ITCH: variants seen among roughly 807,000 people sequenced by gnomAD.
ITCH encodes itchy E3 ubiquitin protein ligase.
Under a neutral mutation model 126.8 loss-of-function variants are expected in ITCH, and 28 were observed. The ratio of observed to expected loss-of-function variants is 0.22; its 90% confidence interval spans 0.16 to 0.30. ITCH has a LOEUF of 0.30. ITCH is among the 10% of genes least tolerant of loss of function. The pLI is 1.00. For synonymous variants in ITCH, 342 were observed against 340.0 expected (o/e 1.01, Z -0.06); for missense variants, 631 against 1,032.4 (o/e 0.61, Z 5.33).
rs904167294 is a variant in ITCH at position 34,366,025 on chromosome 20, A to G, written c.-99+2676A>G. On this transcript the variant is annotated intron_variant, in intron 1 of 24. Coordinates refer to ENST00000374864, the MANE Select transcript of ITCH (RefSeq NM_031483.7). ...GGTGGAGGATTGGTTAGAAGAGGCA[A>G]GATTTGCCCCTGAACCCACATTGGG... Among the ~76,000 whole-genome samples the G allele has an allele frequency of 5.3e-5, 8 of 152,142 alleles. No individual in the cohort carries two copies. The South Asian group carries it at 1.5e-3, about 28-fold the overall frequency.
At chr20:34,467,796 C>T (rs1202243993) in intron 14 of ITCH, among the ~76,000 whole-genome samples, 1 of 149,752 alleles carries the variant, frequency 6.7e-6, no homozygotes, top group African/African-American at 2.5e-5. Flanking sequence ...AGCAATTCTC[C>T]TGCCTCAGCC....
At chr20:34,379,643 G>A (rs1033276853) in intron 2 of ITCH, among the ~76,000 whole-genome samples, 1 of 148,928 alleles carries the variant, frequency 6.7e-6, no homozygotes, top group African/African-American at 2.5e-5. Context: ...CACCCAGGCT[G>A]GAGTGCAGTA....
At chr20:34,430,627 T>A (rs1982159450) in intron 7 of ITCH, among the ~76,000 whole-genome samples, 3 of 152,042 alleles carry the variant, frequency 2.0e-5, no homozygotes, top group Admixed American at 2.0e-4. Context: ...CGTGCACCAC[T>A]AGACTTGGCT....
At chr20:34,478,009 ATTTC>A in intron 17 of ITCH, 149 bp downstream of exon 17, 1 of 1,024,036 alleles carries the variant, frequency 9.8e-7, no homozygotes, top group Admixed American at 2.7e-5. Context: ...TAGCTACAGA[ATTTC>A]AAAAAACATT....
At chr20:34,407,499 C>G (rs1978323375) in intron 3 of ITCH, among the ~76,000 whole-genome samples, 1 of 152,104 alleles carries the variant, frequency 6.6e-6, no homozygotes, top group Non-Finnish European at 1.5e-5. Context: ...AAACTCATGA[C>G]CTCAGGTGAT....
chr20:34,415,254 G>A (rs573333803), intron 6 of ITCH, among the ~76,000 whole-genome samples: 21 of 152,174 alleles, frequency 1.4e-4, no homozygotes, highest in African/African-American at 4.8e-4. Flanking sequence ...TTTGACTCAT[G>A]ACTTTTAAAA....
chr20:34,449,407 T>C lies in ITCH; in HGVS notation c.1141-4T>C. The stretch of plus-strand genomic sequence containing the variant: ...TAGTTTCATCACTTTTTGGTTCTTT[T>C]TAGAATCAAGATTTATTTGCTACAT... On this transcript the variant is annotated splice_region_variant and splice_polypyrimidine_tract_variant and intron_variant, in intron 11 of 24. Transcript: ENST00000374864. 6.3e-7 allele frequency: 1 copy of C among 1,598,668 alleles called. No homozygotes were observed. The highest frequency in any genetic ancestry group is 8.6e-7 in the Non-Finnish European group (1 of 1,166,674).
At chr20:34,409,065 A>G (rs893934620) in intron 4 of ITCH, among the ~76,000 whole-genome samples, 2 of 149,610 alleles carry the variant, frequency 1.3e-5, no homozygotes, top group Non-Finnish European at 2.9e-5. Context: ...AAGAGAGCCC[A>G]TGGTCACGGA....
At chr20:34,416,832 G>A (rs368833923) in intron 6 of ITCH, among the ~76,000 whole-genome samples, 4 of 151,450 alleles carry the variant, frequency 2.6e-5, no homozygotes, top group African/African-American at 9.7e-5. Context: ...ATTTGTTATG[G>A]TGTTTTCCTT....
At chr20:34,447,657 C>T (rs77183366) in intron 11 of ITCH, among the ~76,000 whole-genome samples, 7 of 152,308 alleles carry the variant, frequency 4.6e-5, no homozygotes, top group African/African-American at 1.7e-4. Flanking sequence ...CAGTATGTCA[C>T]GTGCCAAACT....
At chr20:34,461,709 TAAAAAAAAAAA>T (rs11469882) in intron 13 of ITCH, among the ~76,000 whole-genome samples, 15 of 78,402 alleles carry the variant, frequency 1.9e-4, no homozygotes, top group African/African-American at 6.7e-4. Context: ...ACTCCATCTA[TAAAAAAAAAAA>T]AAAAAAAAAA....
At chr20:34,481,024 A>C in intron 19 of ITCH, 42 bp from the exon 20 acceptor site, 1 of 1,598,006 alleles carries the variant, frequency 6.3e-7, no homozygotes, top group Non-Finnish European at 8.6e-7. Context: ...ATTATGATTG[A>C]ATTGGTGGAT....
intron 10 of ITCH, among the ~76,000 whole-genome samples, chr20:34,444,200 T>C (rs1310218092): frequency 6.6e-6 from 1 of 152,242 alleles, no homozygotes; most frequent in Non-Finnish European, 1.5e-5. Context: ...TTATGAATTA[T>C]GTTCATAATC....
At chr20:34,418,276 C>G (rs565003408) in intron 6 of ITCH, among the ~76,000 whole-genome samples, 27 of 152,108 alleles carry the variant, frequency 1.8e-4, no homozygotes, top group African/African-American at 6.3e-4. Context: ...CTTTTAACTT[C>G]CTGATTATAA....
chr20:34,451,217 G>T (rs1486611887), intron 12 of ITCH, among the ~76,000 whole-genome samples: 2 of 151,864 alleles, frequency 1.3e-5, no homozygotes, highest in Non-Finnish European at 2.9e-5. Context: ...TTGAACCCGG[G>T]AGGCGGAGGT....
At chr20:34,473,670 G>A (rs1011324692) in intron 16 of ITCH, among the ~76,000 whole-genome samples, 5 of 152,190 alleles carry the variant, frequency 3.3e-5, no homozygotes. Flanking sequence ...TCCTCTAGTT[G>A]AGTCAAAACA....
At chr20:34,401,080 GAC>G (rs1237800061) in intron 3 of ITCH, among the ~76,000 whole-genome samples, 2 of 152,088 alleles carry the variant, frequency 1.3e-5, no homozygotes, top group Admixed American at 1.3e-4. Flanking sequence ...TTTTTATAAA[GAC>G]ACATTCTCAT....
intron 1 of ITCH, among the ~76,000 whole-genome samples, chr20:34,367,011 A>T (rs1184582664): frequency 6.6e-6 from 1 of 152,134 alleles, no homozygotes; most frequent in Non-Finnish European, 1.5e-5. Flanking sequence ...TTTAGAGCTA[A>T]TCTGGGTAAA....
chr20:34,367,804 A>G (rs1214848900), intron 1 of ITCH, among the ~76,000 whole-genome samples: 4 of 152,150 alleles, frequency 2.6e-5, no homozygotes, highest in African/African-American at 9.7e-5. Context: ...CAACTCTGGG[A>G]CTGGTATTCT....
Sources: allele counts gnomAD v4.1 joint callset (sites outside exome capture counted in the v4.1 genomes callset), GRCh38; gene constraint gnomAD v4.1.1; transcripts MANE v1.5; gene names NCBI Gene and HGNC (gene_info 2026-07-23, HGNC 2026-07-21).